Variants in HSPBAP1 observed in about 807,000 individuals in gnomAD.
HSPBAP1 encodes the protein HSPB1-associated protein 1.
HSPBAP1 carries 27 observed loss-of-function variants against 45.2 expected under a neutral mutation model. That is an observed-to-expected ratio of 0.60 (90% confidence interval 0.44 to 0.82). The LOEUF is 0.82. HSPBAP1 is among the 40% of genes least tolerant of loss of function. The probability of loss-of-function intolerance (pLI) is 0.00; values close to 1 mark genes in which losing one functional copy is unlikely to be tolerated. For synonymous variants in HSPBAP1, 204 were observed against 202.7 expected (o/e 1.01, Z -0.06); for missense variants, 510 against 590.9 (o/e 0.86, Z 1.42).
Position 122,740,185 on chromosome 3 carries a change from C to A in HSPBAP1, c.*160G>T. ...GCCAGTTTGGCCAAAGAGGAATGTG[C>A]ATGAAAGAAGGTGGCAACAGACTGA... On this transcript the variant is annotated 3_prime_UTR_variant, in exon 8 of 8. Transcript: ENST00000306103. 2.3e-6 allele frequency: 1 copy of A among 444,096 alleles called. No homozygotes were observed. Among genetic ancestry groups the A allele is most frequent in the South Asian group, 5.4e-5 (1 of 18,396 alleles). The allele number at this position is 444,096 out of a possible 1,614,324, so 27.5% of individuals were successfully genotyped here.
chr3:122,756,456 G>A (rs970921639), intron 4 of HSPBAP1, among the ~76,000 whole-genome samples: 1 of 152,162 alleles, frequency 6.6e-6, no homozygotes, highest in Non-Finnish European at 1.5e-5. Context: ...GGAGGCCGAG[G>A]CAGAAGGAAT....
chr3:122,771,050 T>A (rs1303748271), intron 2 of HSPBAP1, among the ~76,000 whole-genome samples: 1 of 152,254 alleles, frequency 6.6e-6, no homozygotes. Context: ...ACTGGCCTCA[T>A]TAGAAGACTT....
At chr3:122,793,157 G>C (rs954644517) in intron 1 of HSPBAP1, among the ~76,000 whole-genome samples, 1 of 152,120 alleles carries the variant, frequency 6.6e-6, no homozygotes, top group Non-Finnish European at 1.5e-5. Context: ...ATAATAACAG[G>C]GATCTCAGGC....
chr3:122,740,296 A>T lies in HSPBAP1; in HGVS notation c.*49T>A. ...ATCTTTATTTTAGTCATACTACTTA[A>T]AAATATATATTTAAAAAATATTATT... On this transcript the variant is annotated 3_prime_UTR_variant, in exon 8 of 8. Transcript: ENST00000306103. 8.3e-7 allele frequency: 1 copy of T among 1,210,374 alleles called. No homozygotes were observed. 75.0% of individuals were successfully genotyped at this position (1,210,374 alleles called of 1,614,324 possible). A position where few individuals can be genotyped will look rare whatever the true frequency, so the allele number is the denominator to read the frequency against.
intron 1 of HSPBAP1, among the ~76,000 whole-genome samples, 181 bp from the exon 2 acceptor site, chr3:122,778,087 CT>C (rs991569074): frequency 5.9e-4 from 90 of 151,910 alleles, no homozygotes; most frequent in African/African-American, 2.1e-3. Flanking sequence ...TGATTCTTTT[CT>C]TTTTTTAGAT....
intron 5 of HSPBAP1, 149 bp downstream of exon 5, chr3:122,755,111 G>A: frequency 8.2e-7 from 1 of 1,220,830 alleles, no homozygotes; most frequent in Non-Finnish European, 1.0e-6. Context: ...CCTACAACTG[G>A]GGAAGCTACC....
intron 6 of HSPBAP1, among the ~76,000 whole-genome samples, chr3:122,752,369 C>T (rs1183544683): frequency 1.3e-5 from 2 of 152,052 alleles, no homozygotes; most frequent in African/African-American, 2.4e-5. Flanking sequence ...ATTCTGTGTC[C>T]TTAAAAGAAA....
chr3:122,788,883 G>C (rs1287480540), intron 1 of HSPBAP1, among the ~76,000 whole-genome samples: 1 of 152,130 alleles, frequency 6.6e-6, no homozygotes, highest in Admixed American at 6.5e-5. Flanking sequence ...ACAATGTTGT[G>C]TACCTACCTA....
intron 1 of HSPBAP1, among the ~76,000 whole-genome samples, chr3:122,778,383 T>C (rs1031663232): frequency 1.9e-4 from 29 of 151,994 alleles, no homozygotes. Flanking sequence ...TGGTTGCCTA[T>C]AGACTACAAA....
chr3:122,789,910 T>TA (rs1467508544), intron 1 of HSPBAP1, among the ~76,000 whole-genome samples: 6 of 90,896 alleles, frequency 6.6e-5, no homozygotes, highest in African/African-American at 3.8e-5. Context: ...TTGCTCAGGC[T>TA]GGAGTGCCAT....
At chr3:122,765,324 C>T (rs113080733) in intron 3 of HSPBAP1, among the ~76,000 whole-genome samples, 15,179 of 152,100 alleles carry the variant, frequency 0.1, 769 homozygotes, top group Non-Finnish European at 0.12. Flanking sequence ...CTCATGCCTG[C>T]AATCCCAGCA....
chr3:122,783,901 G>A (rs998253101), intron 1 of HSPBAP1, among the ~76,000 whole-genome samples: 5 of 151,966 alleles, frequency 3.3e-5, no homozygotes, highest in Non-Finnish European at 5.9e-5. Context: ...CGGGATCTCG[G>A]CTCACTGCAA....
intron 1 of HSPBAP1, among the ~76,000 whole-genome samples, chr3:122,780,306 G>C (rs1233725848): frequency 9.6e-6 from 1 of 104,544 alleles, no homozygotes; most frequent in Non-Finnish European, 2.0e-5. Flanking sequence ...CCTCCCTCCC[G>C]GACGGGGCGG....
chr3:122,775,894 A>G (rs936992784), intron 2 of HSPBAP1, among the ~76,000 whole-genome samples: 5 of 152,272 alleles, frequency 3.3e-5, no homozygotes, highest in African/African-American at 1.2e-4. Context: ...ATAGATAAAT[A>G]AAATGTACAT....
chr3:122,750,469 C>G (rs1054888807), intron 6 of HSPBAP1, among the ~76,000 whole-genome samples: 1 of 152,058 alleles, frequency 6.6e-6, no homozygotes, highest in African/African-American at 2.4e-5. Flanking sequence ...TATTACCTGT[C>G]TAGATATATT....
At chr3:122,785,882 A>G (rs553167844) in intron 1 of HSPBAP1, among the ~76,000 whole-genome samples, 2 of 144,524 alleles carry the variant, frequency 1.4e-5, no homozygotes, top group Admixed American at 1.4e-4. Context: ...ATATATATCT[A>G]TAATTTCCAT....
At position 122,777,498 on chromosome 3, in the gene HSPBAP1, T is replaced by C. The variant is rs537500782; in HGVS notation, c.250+223A>G. Among the ~76,000 whole-genome samples, 6 of 152,328 alleles carry C rather than the reference T, an allele frequency of 3.9e-5. No homozygotes were observed. In the East Asian group the frequency reaches 9.6e-4, roughly 24 times the overall value. ...TGAACAAATACATTTTGTATGGGGT[T>C]ATAAACTATAGACAAAACAGTCTAT... is the stretch of plus-strand genomic sequence containing the variant. On this transcript the variant is annotated intron_variant, in intron 2 of 7. Coordinates refer to ENST00000306103, the MANE Select transcript of HSPBAP1 (RefSeq NM_024610.6).
At position 122,768,695 on chromosome 3, in the gene HSPBAP1, A is replaced by C. The variant is rs1468134669; in HGVS notation, c.432+6T>G. 9 of 1,596,580 alleles carry C rather than the reference A, an allele frequency of 5.6e-6. No homozygotes were observed. Among genetic ancestry groups the C allele is most frequent in the Non-Finnish European group, 6.9e-6 (8 of 1,165,166 alleles). On this transcript the variant is annotated splice_donor_region_variant and intron_variant, in intron 3 of 7. Transcript: ENST00000306103. ...TACCAAGATTAGAAGGAAGGTTCTG[A>C]CTTACCTGGAAAAGATCTGTCTTGT... is the stretch of plus-strand genomic sequence containing the variant.
intron 6 of HSPBAP1, among the ~76,000 whole-genome samples, chr3:122,747,290 C>G (rs1280759279): frequency 6.7e-6 from 1 of 149,058 alleles, no homozygotes; most frequent in Non-Finnish European, 1.5e-5. Context: ...ATGTGGGGAG[C>G]GCCTCTGCCC....
Sources: gnomAD v4.1 joint callset for allele counts (sites outside exome capture counted in the v4.1 genomes callset) on GRCh38, gnomAD v4.1.1 for gene constraint, MANE v1.5 for transcripts, NCBI Gene and HGNC (gene_info 2026-07-23, HGNC 2026-07-21) for gene names.